PTPN13: variants seen among roughly 807,000 people sequenced by gnomAD.
The protein encoded by PTPN13 is tyrosine-protein phosphatase non-receptor type 13.
PTPN13 carries 191 observed loss-of-function variants against 284.0 expected under a neutral mutation model. That is an observed-to-expected ratio of 0.67 (90% CI 0.60 to 0.76). The LOEUF (loss-of-function observed/expected upper bound fraction) is 0.76. PTPN13 is among the 30% of genes least tolerant of loss of function. The pLI, the probability that PTPN13 is intolerant of heterozygous loss-of-function variation, is 0.00. For synonymous variants in PTPN13, 986 were observed against 1,022.3 expected (o/e 0.96, Z 0.68); for missense variants, 2,797 against 2,939.9 (o/e 0.95, Z 1.12).
At chr4:86,699,184 AAGACC>A (rs1314055876) in intron 6 of PTPN13, among the ~76,000 whole-genome samples, 1 of 151,944 alleles carries the variant, frequency 6.6e-6, no homozygotes, top group Non-Finnish European at 1.5e-5. Context: ...TCAGGAGATC[AAGACC>A]ATCCTGGCTA....
At chr4:86,768,196 A>G (rs1739554101) in intron 28 of PTPN13, among the ~76,000 whole-genome samples, 1 of 152,236 alleles carries the variant, frequency 6.6e-6, no homozygotes, top group African/African-American at 2.4e-5. Context: ...ATGCATGATT[A>G]TGGTCTTTTA....
In PTPN13 at chr4:86,784,344, G is replaced by T. The variant is rs1741665252; in HGVS notation, c.6025-121G>T. ...ATTTCCTTTCAAACACTGATCTAAGGTGGAGAGATGTAAAATGGATCTTGT... is the reference window on the plus strand; with the variant it reads ...ATTTCCTTTCAAACACTGATCTAAGTTGGAGAGATGTAAAATGGATCTTGT... On this transcript the variant is annotated intron_variant, in intron 37 of 47. Coordinates refer to ENST00000411767, the MANE Select transcript of PTPN13 (RefSeq NM_080683.3). 3 of 637,516 alleles carry T rather than the reference G, an allele frequency of 4.7e-6. No individual in the cohort carries two copies. In the East Asian group the frequency reaches 8.8e-5, roughly 19 times the overall value. 39.5% of individuals were successfully genotyped at this position (637,516 alleles called of 1,614,324 possible).
At chr4:86,659,740 T>A (rs921678126) in intron 2 of PTPN13, among the ~76,000 whole-genome samples, 8 of 151,502 alleles carry the variant, frequency 5.3e-5, no homozygotes, top group Admixed American at 4.6e-4. Context: ...TACTTGAACC[T>A]GGGAGGCAGA....
At chr4:86,792,151 G>A (rs997868891) in intron 40 of PTPN13, among the ~76,000 whole-genome samples, 3 of 152,174 alleles carry the variant, frequency 2.0e-5, no homozygotes, top group Admixed American at 2.0e-4. Flanking sequence ...AAACAGTGTA[G>A]AGAAGACCTT....
In PTPN13 at chr4:86,811,814, A is replaced by G. The variant is rs1190968842; in HGVS notation, c.7362+706A>G. 2.0e-5 allele frequency among the ~76,000 whole-genome samples: 3 copies of G among 152,310 alleles called. No individual in the cohort carries two copies. The East Asian group carries it at 5.8e-4, about 29-fold the overall frequency. On this transcript the variant is annotated intron_variant, in intron 47 of 47. Transcript: ENST00000411767. ...CTCTTGAAAAATAGGGAAATTTGCT[A>G]TCTTTAAAAATTAGCATTTGCCTAC...
At chr4:86,716,348 G>A (rs929922832) in intron 7 of PTPN13, among the ~76,000 whole-genome samples, 182 bp from the exon 8 acceptor site, 1 of 152,090 alleles carries the variant, frequency 6.6e-6, no homozygotes, top group Non-Finnish European at 1.5e-5. Context: ...TCCAGAGTCC[G>A]TGCTCATAAC....
intron 10 of PTPN13, among the ~76,000 whole-genome samples, chr4:86,732,078 G>A (rs1735012998): frequency 6.6e-6 from 1 of 151,990 alleles, no homozygotes; most frequent in East Asian, 1.9e-4. Flanking sequence ...TTTTTTTTGA[G>A]TCTGAGTCTA....
rs778543538 is a variant in PTPN13 at position 86,803,781 on chromosome 4, C to A, written c.6578C>A (p.Thr2193Lys). Reference protein sequence around the residue: ...VVKVLPSGKYTGANLKSVIRV... With the variant: ...VVKVLPSGKYKGANLKSVIRV... ...AAAGTGCTTCCCTCTGGTAAATACA[C>A]GGGTGCCAACTTAAAATCAGTCATT... The change falls in exon 43 of 48, where the codon ACG becomes AAG. Residue 2193 changes from threonine (T) to lysine (K), a missense_variant. Transcript: ENST00000411767. 1 of 1,613,864 alleles carries A rather than the reference C, an allele frequency of 6.2e-7. No homozygotes were observed. The highest frequency in any genetic ancestry group is 8.5e-7 in the Non-Finnish European group (1 of 1,179,806).
At chr4:86,670,122 A>C (rs975575089) in intron 2 of PTPN13, among the ~76,000 whole-genome samples, 1 of 149,876 alleles carries the variant, frequency 6.7e-6, no homozygotes, top group Non-Finnish European at 1.5e-5. Flanking sequence ...TTTGTGTTTG[A>C]GTACCCTAGG....
intron 7 of PTPN13, among the ~76,000 whole-genome samples, chr4:86,704,709 G>A (rs1277526670): frequency 1.3e-5 from 2 of 152,100 alleles, no homozygotes; most frequent in Non-Finnish European, 1.5e-5. Flanking sequence ...TCAATTGTTC[G>A]ATATAGGACA....
At position 86,784,527 on chromosome 4, in the gene PTPN13, A is replaced by G. The variant is rs371155828; in HGVS notation, c.6087A>G (p.Ile2029Met). 77 of 1,609,046 alleles carry G rather than the reference A, an allele frequency of 4.8e-5. No homozygotes were observed. In the African/African-American group the frequency reaches 9.0e-4, roughly 19 times the overall value. The change falls in exon 38 of 48, where the codon ATA (isoleucine) becomes ATG (methionine). Residue 2029 changes from isoleucine to methionine, a missense_variant. Physicochemically the swap from Ile to Met is conservative, Grantham distance 10. Transcript: ENST00000411767. ...AAGGAAAATGTTCTACTTATCAGAT[A>G]AAGGGATCACCAAACTTGACTCTGC... Reference protein sequence around the residue: ...YPKGKCSTYQIKGSPNLTLPK... With the variant: ...YPKGKCSTYQMKGSPNLTLPK...
intron 35 of PTPN13, among the ~76,000 whole-genome samples, chr4:86,778,393 G>T (rs1192878949): frequency 6.6e-6 from 1 of 152,200 alleles, no homozygotes; most frequent in Admixed American, 6.5e-5. Flanking sequence ...CATGAGCATG[G>T]CATTAGTGTC....
At chr4:86,753,097 C>T (rs759765202) in intron 20 of PTPN13, 32 bp downstream of exon 20, 3 of 1,530,586 alleles carry the variant, frequency 2.0e-6, no homozygotes, top group Middle Eastern at 1.7e-4. Context: ...CCCCTCATTT[C>T]CATCATTTCT....
chr4:86,762,735 A>C lies in PTPN13; in HGVS notation c.3562A>C (p.Thr1188Pro). 1.3e-6 allele frequency: 2 copies of C among 1,595,664 alleles called. No individual in the cohort carries two copies. Among genetic ancestry groups the C allele is most frequent in the South Asian group, 2.2e-5 (2 of 90,678 alleles). Residue 1188 changes from threonine to proline, a missense_variant, in exon 24 of 48, where the codon ACT becomes CCT. Physicochemically the swap from Thr to Pro is conservative, Grantham distance 38. Transcript: ENST00000411767. ...PKEKISKVPS[T>P]PVHLTNEMKN... ...TGGATTTTGACTTTTAGTGCCTTCT[A>C]CTCCTGTGCATCTCACCAATGAGAT... is the stretch of plus-strand genomic sequence containing the variant.
chr4:86,751,105 T>C lies in PTPN13; in HGVS notation c.3147T>C (p.Pro1049=). The change falls in exon 19 of 48, where the codon CCT becomes CCC. Residue 1049 remains proline, a synonymous_variant. Coordinates refer to ENST00000411767, the MANE Select transcript of PTPN13 (RefSeq NM_080683.3). ...HESDSSSIED[P]GQAYVLGMTM... The stretch of plus-strand genomic sequence containing the variant: ...CAGACTCCTCATCCATTGAAGACCC[T>C]GGGCAAGCATATGTTCTAGGTCAGC... The C allele has an allele frequency of 6.3e-7, 1 of 1,599,344 alleles. No individual in the cohort carries two copies. The highest frequency in any genetic ancestry group is 8.6e-7 in the Non-Finnish European group (1 of 1,167,072).
chr4:86,613,633 C>CAAAAAAAAAA (rs544971012), intron 1 of PTPN13, among the ~76,000 whole-genome samples: 4 of 61,538 alleles, frequency 6.5e-5, no homozygotes, highest in Admixed American at 1.6e-4. Flanking sequence ...GACTCCGTCT[C>CAAAAAAAAAA]AAAAAAAAAA....
At chr4:86,761,578 G>A (rs911358697) in intron 23 of PTPN13, among the ~76,000 whole-genome samples, 8 of 152,122 alleles carry the variant, frequency 5.3e-5, no homozygotes, top group African/African-American at 1.7e-4. Context: ...ACCATCAGTG[G>A]TGCTTAAAAT....
intron 1 of PTPN13, among the ~76,000 whole-genome samples, chr4:86,624,056 C>T (rs549223512): frequency 1.3e-5 from 2 of 152,230 alleles, no homozygotes; most frequent in South Asian, 2.1e-4. Flanking sequence ...AAAAACCTAG[C>T]ACCTATCAAT....
At chr4:86,630,866 G>A (rs143433526) in intron 1 of PTPN13, among the ~76,000 whole-genome samples, 19 of 152,156 alleles carry the variant, frequency 1.2e-4, no homozygotes, top group East Asian at 1.9e-4. Flanking sequence ...CTAGCTGTGC[G>A]TGCCACAATC....
Sources: gnomAD v4.1 joint callset for allele counts (sites outside exome capture counted in the v4.1 genomes callset) on GRCh38, gnomAD v4.1.1 for gene constraint, MANE v1.5 for transcripts, NCBI Gene and HGNC (gene_info 2026-07-23, HGNC 2026-07-21) for gene names.